The following COG7 variants were observed in gnomAD, a reference collection of about 807,000 sequenced individuals.
The protein encoded by COG7 is component of oligomeric golgi complex 7.
Under a neutral mutation model 91.5 loss-of-function variants are expected in COG7, and 49 were observed. The ratio of observed to expected loss-of-function variants is 0.54; its 90% CI spans 0.43 to 0.68. The LOEUF (loss-of-function observed/expected upper bound fraction) is 0.68, where lower values mean the gene tolerates loss of function less well. COG7 is among the 30% of genes least tolerant of loss of function. The pLI, the probability that COG7 is intolerant of heterozygous loss-of-function variation, is 0.00. For synonymous variants in COG7, 365 were observed against 388.7 expected (o/e 0.94, Z 0.72); for missense variants, 895 against 961.3 (o/e 0.93, Z 0.91).
chr16:23,429,862 C>G (rs1439113622), intron 6 of COG7, among the ~76,000 whole-genome samples: 1 of 152,204 alleles, frequency 6.6e-6, no homozygotes, highest in African/African-American at 2.4e-5. Flanking sequence ...ACGAGCAAAT[C>G]TCAAAAACAC....
intron 6 of COG7, 102 bp downstream of exon 6, chr16:23,433,443 T>C (rs1963964480): frequency 6.8e-7 from 1 of 1,471,818 alleles, no homozygotes; most frequent in African/African-American, 1.4e-5. Flanking sequence ...GGGAAGTTCT[T>C]TGAGCTGTGC....
chr16:23,416,868 T>A, intron 9 of COG7, 99 bp downstream of exon 9: 1 of 1,404,806 alleles, frequency 7.1e-7, no homozygotes, highest in South Asian at 1.2e-5. Context: ...TGCAAGTGTT[T>A]CCCAGGGTTC....
intron 9 of COG7, chr16:23,415,863 T>C (rs1963644902): frequency 6.6e-6 from 1 of 152,160 alleles, no homozygotes; most frequent in Non-Finnish European, 1.5e-5. Flanking sequence ...CAATGTGCCA[T>C]TTGAACCCTG....
At chr16:23,401,934 A>G (rs1291501357) in intron 13 of COG7, among the ~76,000 whole-genome samples, 1 of 152,086 alleles carries the variant, frequency 6.6e-6, no homozygotes, top group African/African-American at 2.4e-5. Flanking sequence ...GCAGGCGCCT[A>G]TAGTCCCAGC....
chr16:23,451,288 A>G (rs1769794973), intron 1 of COG7, among the ~76,000 whole-genome samples: 1 of 152,250 alleles, frequency 6.6e-6, no homozygotes, highest in Non-Finnish European at 1.5e-5. Context: ...TGAGCCTAGG[A>G]GAGAGACTTG....
chr16:23,449,751 C>CAA (rs59806724), intron 1 of COG7, among the ~76,000 whole-genome samples: 2 of 92,906 alleles, frequency 2.2e-5, no homozygotes, highest in Non-Finnish European at 4.5e-5. Flanking sequence ...AACTCCATCT[C>CAA]AAAAAAAAAA....
chr16:23,392,974 C>T (rs528955243), intron 15 of COG7, among the ~76,000 whole-genome samples: 5 of 152,244 alleles, frequency 3.3e-5, no homozygotes, highest in Admixed American at 3.3e-4. Context: ...TACAAAATAC[C>T]ATCTGCTTAC....
chr16:23,422,533 T>C (rs1293395315), intron 7 of COG7, among the ~76,000 whole-genome samples: 1 of 149,402 alleles, frequency 6.7e-6, no homozygotes, highest in East Asian at 1.9e-4. Flanking sequence ...TATGTATTTA[T>C]TACATAATAT....
chr16:23,434,696 C>T lies in COG7; in HGVS notation c.627G>A (p.Lys209=). The T allele has an allele frequency of 6.2e-7, 1 of 1,612,978 alleles. No individual in the cohort carries two copies. Among genetic ancestry groups the T allele is most frequent in the Non-Finnish European group, 8.5e-7 (1 of 1,178,960 alleles). The change falls in exon 5 of 17, where the codon AAG becomes AAA. Residue 209 remains lysine (K), a synonymous_variant. Coordinates refer to ENST00000307149, the MANE Select transcript of COG7 (RefSeq NM_153603.4). ...GCATCCGGTCAATTTCAGTAAACAC[C>T]TTCACAAACACTTTGGACTGATCTA... ...QAVDQSKVFV[K]VFTEIDRMPQ...
chr16:23,411,916 TG>T lies in COG7; in HGVS notation c.1409+1531del, dbSNP rs1963569643. On this transcript the variant is annotated intron_variant, in intron 10 of 16. Coordinates refer to ENST00000307149, the MANE Select transcript of COG7 (RefSeq NM_153603.4). Reference sequence around the variant, plus strand: ...TTTTTTTTGAGATGAGGTCTTGCTCTGTCACCCAGGCTGGAGTGCAATGGTG... The same window carrying T: ...TTTTTTTTGAGATGAGGTCTTGCTCTTCACCCAGGCTGGAGTGCAATGGTG... 2.6e-5 allele frequency among the ~76,000 whole-genome samples: 4 copies of T among 151,534 alleles called. No individual in the cohort carries two copies. In the South Asian group the frequency reaches 6.2e-4, roughly 24 times the overall value.
chr16:23,449,176 A>G (rs1964225709), intron 1 of COG7, among the ~76,000 whole-genome samples: 1 of 151,796 alleles, frequency 6.6e-6, no homozygotes. Flanking sequence ...ATTCTGGCTA[A>G]CAAGGTGAAA....
intron 10 of COG7, among the ~76,000 whole-genome samples, chr16:23,410,610 C>T (rs1206287543): frequency 6.6e-6 from 1 of 152,192 alleles, no homozygotes; most frequent in African/African-American, 2.4e-5. Flanking sequence ...CAATTCTATC[C>T]ATGGCCCCCT....
At position 23,434,592 on chromosome 16, in the gene COG7, A is replaced by G. The variant is rs1427435236; in HGVS notation, c.687+44T>C. On this transcript the variant is annotated intron_variant, in intron 5 of 16. Coordinates refer to ENST00000307149, the MANE Select transcript of COG7 (RefSeq NM_153603.4). ...TGCGATTCTGTGACCCAGAGTTATG[A>G]GCATTCCACAACTGCACAACTGTCA... The G allele has an allele frequency of 4.4e-6, 6 of 1,349,494 alleles. No individual in the cohort carries two copies. The Admixed American group carries it at 6.7e-5, about 15-fold the overall frequency. 83.6% of individuals were successfully genotyped at this position (1,349,494 alleles called of 1,614,324 possible). A position where few individuals can be genotyped will look rare whatever the true frequency, so the allele number is the denominator to read the frequency against.
intron 14 of COG7, chr16:23,393,674 T>A (rs1963237283): frequency 2.9e-6 from 1 of 341,888 alleles, no homozygotes; most frequent in African/African-American, 2.1e-5. Context: ...AATATAAGTA[T>A]TATTACTGTT....
At chr16:23,394,637 G>C (rs1044507139) in intron 14 of COG7, among the ~76,000 whole-genome samples, 1 of 151,858 alleles carries the variant, frequency 6.6e-6, no homozygotes, top group Non-Finnish European at 1.5e-5. Flanking sequence ...ACATGTCTAC[G>C]TAACAGCGGG....
In COG7 at chr16:23,453,145, G is replaced by A. The variant is rs2142101601; in HGVS notation, c.-151C>T. The A allele has an allele frequency of 4.8e-6, 7 of 1,443,554 alleles. No individual in the cohort carries two copies. Among genetic ancestry groups the A allele is most frequent in the African/African-American group, 1.4e-5 (1 of 70,338 alleles). The allele number at this position is 1,443,554 out of a possible 1,614,324, so 89.4% of individuals were successfully genotyped here. On this transcript the variant is annotated 5_prime_UTR_variant, in exon 1 of 17. Transcript: ENST00000307149. ...CAGGACGGGTAACTTGCCCCTTTGC[G>A]CTTCCCCGCTCAGCGCACTCAGTTT... is the stretch of plus-strand genomic sequence containing the variant.
At chr16:23,422,407 CA>C (rs1307357729) in intron 7 of COG7, among the ~76,000 whole-genome samples, 58 of 150,536 alleles carry the variant, frequency 3.9e-4, no homozygotes, top group Non-Finnish European at 7.5e-4. Flanking sequence ...TTGAGCATTT[CA>C]AAAAATGAAA....
intron 7 of COG7, among the ~76,000 whole-genome samples, chr16:23,419,513 C>T (rs1028096305): frequency 4.0e-5 from 6 of 151,308 alleles, no homozygotes; most frequent in Non-Finnish European, 7.4e-5. Flanking sequence ...CTTTGGGAAG[C>T]GGAGGTGGGC....
At chr16:23,390,508 C>A (rs576547694) in intron 16 of COG7, among the ~76,000 whole-genome samples, 1 of 151,516 alleles carries the variant, frequency 6.6e-6, no homozygotes, top group Non-Finnish European at 1.5e-5. Context: ...TCAGTGCCCC[C>A]CCACCGGCTA....
Sources: gnomAD v4.1 joint callset for allele counts (sites outside exome capture counted in the v4.1 genomes callset) on GRCh38, gnomAD v4.1.1 for gene constraint, MANE v1.5 for transcripts, NCBI Gene and HGNC (gene_info 2026-07-23, HGNC 2026-07-21) for gene names.